The following UBE2D2 variants were observed in gnomAD, a reference collection of about 807,000 sequenced individuals.
The protein encoded by UBE2D2 is ubiquitin conjugating enzyme E2 D2.
In UBE2D2, 2 loss-of-function variants were observed where a neutral mutation model predicts 24.2. The observed-to-expected ratio is 0.08, with a 90% CI of 0.03 to 0.26. UBE2D2 has a LOEUF of 0.26. Ranked by LOEUF, UBE2D2 falls within the 10% of genes least tolerant of loss-of-function variation. The pLI, the probability that UBE2D2 is intolerant of heterozygous loss-of-function variation, is 1.00. For synonymous variants in UBE2D2, 58 were observed against 56.5 expected, an observed-to-expected ratio of 1.03 and a Z score of -0.12; for missense variants, 44 against 177.6, an observed-to-expected ratio of 0.25 and a Z score of 4.28.
intron 1 of UBE2D2, among the ~76,000 whole-genome samples, chr5:139,545,081 C>T (rs1581482889): frequency 6.6e-6 from 1 of 152,076 alleles, no homozygotes; most frequent in Non-Finnish European, 1.5e-5. Context: ...ACCTGGCCTG[C>T]TTTCTTAACT....
At chr5:139,624,806 G>A (rs1299855139) in intron 6 of UBE2D2, among the ~76,000 whole-genome samples, 1 of 152,236 alleles carries the variant, frequency 6.6e-6, no homozygotes, top group Admixed American at 6.5e-5. Flanking sequence ...GTGGATTAGA[G>A]AGGCATAGAT....
In UBE2D2 at chr5:139,600,362, T is replaced by C. The variant is rs929487313; in HGVS notation, c.25-10T>C. 1 of 1,613,490 alleles carries C rather than the reference T, an allele frequency of 6.2e-7. No individual in the cohort carries two copies. Among genetic ancestry groups the C allele is most frequent in the Non-Finnish European group, 8.5e-7 (1 of 1,179,886 alleles). On this transcript the variant is annotated splice_polypyrimidine_tract_variant and intron_variant, in intron 1 of 6. Transcript: ENST00000398733. The stretch of plus-strand genomic sequence containing the variant: ...GTTGAATATATTTCTTTTCTTTCTT[T>C]TTTCTGTAGGAATTGAATGATCTGG...
At chr5:139,582,375 C>G (rs1222496205) in intron 1 of UBE2D2, among the ~76,000 whole-genome samples, 1 of 151,368 alleles carries the variant, frequency 6.6e-6, no homozygotes, top group Non-Finnish European at 1.5e-5. Flanking sequence ...TGACGTCCAG[C>G]TAATTTTGTA....
chr5:139,547,555 G>A (rs1363543729), intron 1 of UBE2D2, among the ~76,000 whole-genome samples: 1 of 151,586 alleles, frequency 6.6e-6, no homozygotes, highest in East Asian at 2.0e-4. Flanking sequence ...TGTCACCCAG[G>A]CTGGAGTGCA....
intron 1 of UBE2D2, chr5:139,562,078 G>C (rs988514743): frequency 1.1e-6 from 1 of 889,300 alleles, no homozygotes; most frequent in Non-Finnish European, 1.7e-6. Context: ...TGGACTCTTA[G>C]GGCTTCTCTC....
chr5:139,528,374 A>G (rs1362034502), intron 1 of UBE2D2, among the ~76,000 whole-genome samples: 2 of 152,064 alleles, frequency 1.3e-5, no homozygotes, highest in Non-Finnish European at 2.9e-5. Context: ...TGTCGGCCCC[A>G]GCCCTGAGGC....
intron 1 of UBE2D2, among the ~76,000 whole-genome samples, chr5:139,552,969 A>G (rs968137319): frequency 2.0e-5 from 3 of 152,024 alleles, no homozygotes; most frequent in African/African-American, 7.2e-5. Context: ...GGCATGAGCC[A>G]CCGCACCCGG....
chr5:139,628,295 T>G lies in UBE2D2; in HGVS notation c.*1494T>G, dbSNP rs550322884. 6.5e-6 allele frequency: 1 copy of G among 152,690 alleles called. No homozygotes were observed. Among genetic ancestry groups the G allele is most frequent in the East Asian group, 1.9e-4 (1 of 5,186 alleles). The allele number at this position is 152,690 out of a possible 1,614,324, so 9.5% of individuals were successfully genotyped here. On this transcript the variant is annotated 3_prime_UTR_variant, in exon 7 of 7. Coordinates refer to ENST00000398733, the MANE Select transcript of UBE2D2 (RefSeq NM_003339.3). Reference sequence around the variant, plus strand: ...TGTGAACTAGGCAAGTTACCTTTTTTCCCCCCTTCTTTTCCTAATTGTAAA... The same window carrying G: ...TGTGAACTAGGCAAGTTACCTTTTTGCCCCCCTTCTTTTCCTAATTGTAAA...
At chr5:139,546,417 T>C (rs1211525743) in intron 1 of UBE2D2, among the ~76,000 whole-genome samples, 1 of 152,142 alleles carries the variant, frequency 6.6e-6, no homozygotes, top group Non-Finnish European at 1.5e-5. Context: ...ACTCCTGACC[T>C]CATGAACCAC....
intron 1 of UBE2D2, among the ~76,000 whole-genome samples, chr5:139,593,116 C>G (rs1277257830): frequency 6.6e-6 from 1 of 151,602 alleles, no homozygotes. Context: ...CTCCCTCAGC[C>G]TCCTGAGTAG....
At chr5:139,550,276 C>T (rs563876524) in intron 1 of UBE2D2, among the ~76,000 whole-genome samples, 1 of 152,140 alleles carries the variant, frequency 6.6e-6, no homozygotes, top group South Asian at 2.1e-4. Flanking sequence ...TGCTCTGTGT[C>T]TAGTTAATCT....
In UBE2D2 at chr5:139,628,026, G is replaced by A. The variant is rs183095371; in HGVS notation, c.*1225G>A. 30 of 152,728 alleles carry A rather than the reference G, an allele frequency of 2.0e-4. No individual in the cohort carries two copies. Among genetic ancestry groups the A allele is most frequent in the Admixed American group, 4.6e-4 (7 of 15,294 alleles). The allele number at this position is 152,728 out of a possible 1,614,324, so 9.5% of individuals were successfully genotyped here. Reference sequence around the variant, plus strand: ...GGTACATAGGACATAAAACACAGAGGCATTGCTATTTGGTAAGTTAAGCTT... The same window carrying A: ...GGTACATAGGACATAAAACACAGAGACATTGCTATTTGGTAAGTTAAGCTT... On this transcript the variant is annotated 3_prime_UTR_variant, in exon 7 of 7. Transcript: ENST00000398733.
intron 1 of UBE2D2, among the ~76,000 whole-genome samples, chr5:139,598,983 T>G (rs1473900096): frequency 7.5e-6 from 1 of 134,024 alleles, no homozygotes; most frequent in Non-Finnish European, 1.6e-5. Context: ...GGCTGGAGTG[T>G]AGTGGCATGA....
At chr5:139,566,772 G>T (rs1046176299) in intron 1 of UBE2D2, among the ~76,000 whole-genome samples, 1 of 152,142 alleles carries the variant, frequency 6.6e-6, no homozygotes, top group Non-Finnish European at 1.5e-5. Flanking sequence ...GCTAGAAAAT[G>T]CATGTGCTAT....
intron 1 of UBE2D2, among the ~76,000 whole-genome samples, chr5:139,545,377 ATT>A (rs202160425): frequency 2.5e-5 from 3 of 119,296 alleles, no homozygotes; most frequent in African/African-American, 3.1e-5. Flanking sequence ...TTTGTCTTCT[ATT>A]TTTTTTTTTT....
At chr5:139,592,531 G>A (rs1753865652) in intron 1 of UBE2D2, among the ~76,000 whole-genome samples, 1 of 151,138 alleles carries the variant, frequency 6.6e-6, no homozygotes, top group South Asian at 2.1e-4. Flanking sequence ...TGGTGATCCT[G>A]CTGTGTCAGT....
rs775609403 is a variant in UBE2D2, at chr5:139,614,678, C to T, written c.121-19C>T. On this transcript the variant is annotated intron_variant, in intron 3 of 6. Coordinates refer to ENST00000398733, the MANE Select transcript of UBE2D2 (RefSeq NM_003339.3). ...ATGTAATTTACTCATTTTAATCCCA[C>T]TTTTCTTGTTATCAACAGAATGACA... is the stretch of plus-strand genomic sequence containing the variant. 2 of 1,613,702 alleles carry T rather than the reference C, an allele frequency of 1.2e-6. No homozygotes were observed. Among genetic ancestry groups the T allele is most frequent in the Non-Finnish European group, 1.7e-6 (2 of 1,179,778 alleles).
rs373605129 is a variant in UBE2D2, at chr5:139,614,689, A to C, written c.121-8A>C. The stretch of plus-strand genomic sequence containing the variant: ...TCATTTTAATCCCACTTTTCTTGTT[A>C]TCAACAGAATGACAGTCCCTATCAG... On this transcript the variant is annotated splice_region_variant and splice_polypyrimidine_tract_variant and intron_variant, in intron 3 of 6. Transcript: ENST00000398733. 4.3e-6 allele frequency: 7 copies of C among 1,613,900 alleles called. No individual in the cohort carries two copies. In the African/African-American group the frequency reaches 9.3e-5, roughly 22 times the overall value.
chr5:139,531,625 CAA>C (rs112323447), intron 1 of UBE2D2, among the ~76,000 whole-genome samples: 127 of 97,282 alleles, frequency 1.3e-3, no homozygotes, highest in Middle Eastern at 6.0e-3. Flanking sequence ...AGACCCTATC[CAA>C]AAAAAAAAAA....
Sources: gnomAD v4.1 joint callset for allele counts (sites outside exome capture counted in the v4.1 genomes callset) on GRCh38, gnomAD v4.1.1 for gene constraint, MANE v1.5 for transcripts, NCBI Gene and HGNC (gene_info 2026-07-23, HGNC 2026-07-21) for gene names.